Variants in GLI3 observed in about 807,000 individuals in gnomAD.
GLI3 encodes GLI family zinc finger 3, also known as transcription activator GLI3.
A neutral mutation model predicts 100.8 loss-of-function variants in GLI3; 20 were observed. The observed-to-expected ratio is 0.20, with a 90% CI of 0.14 to 0.29. GLI3 has a LOEUF of 0.29. GLI3 is among the 10% of genes least tolerant of loss of function. The probability of loss-of-function intolerance (pLI) is 1.00; values close to 1 mark genes in which losing one functional copy is unlikely to be tolerated. For missense variants in GLI3, 2,040 were observed against 2,128.5 expected (o/e 0.96, Z 0.82); for synonymous variants, 938 against 860.5 (o/e 1.09, Z -1.58).
At chr7:42,157,995 A>G (rs997963683) in intron 2 of GLI3, among the ~76,000 whole-genome samples, 1 of 152,174 alleles carries the variant, frequency 6.6e-6, no homozygotes, top group East Asian at 1.9e-4. Flanking sequence ...GTAAAATTAT[A>G]TCATTTTGAT....
upstream of GLI3, among the ~76,000 whole-genome samples, chr7:42,241,742 C>T (rs1016673582): frequency 4.6e-5 from 7 of 152,134 alleles, no homozygotes; most frequent in Non-Finnish European, 7.3e-5. Flanking sequence ...CTTGGACCTC[C>T]GCCAATCCCA....
intron 3 of GLI3, among the ~76,000 whole-genome samples, chr7:42,147,610 G>A (rs954981498): frequency 2.6e-5 from 4 of 152,166 alleles, no homozygotes; most frequent in Non-Finnish European, 5.9e-5. Context: ...CCATACATGA[G>A]TTCAGAGTCC....
At chr7:42,139,218 C>T (rs1176791029) in intron 3 of GLI3, among the ~76,000 whole-genome samples, 2 of 151,966 alleles carry the variant, frequency 1.3e-5, no homozygotes, top group African/African-American at 4.8e-5. Context: ...TTAAAATGTG[C>T]CTTGATACAG....
At chr7:42,086,423 C>G (rs1338964634) in intron 3 of GLI3, among the ~76,000 whole-genome samples, 2 of 152,106 alleles carry the variant, frequency 1.3e-5, no homozygotes, top group African/African-American at 4.8e-5. Flanking sequence ...ACTCCCCACA[C>G]CAGCATCCCT....
Position 41,965,545 on chromosome 7 carries a change from C to G in GLI3, c.3528G>C (p.Lys1176Asn), listed in dbSNP as rs768573875. The change falls in exon 15 of 15, where the codon AAG becomes AAC. Residue 1176 changes from lysine to asparagine, a missense_variant. By Grantham distance (94) the Lys-to-Asn change is moderately conservative (BLOSUM62 0). This residue lies in a region of GLI3 where 1,041 missense variants were observed against 924.0 expected (regional missense o/e 1.13). Transcript: ENST00000395925. ...CAGCGGGCCGCGGCCCACACTTGAG[C>G]TTGGAGGAGGACAGGTCGGCGCTTC... ...SSGSADLSSS[K>N]LKCGPRPAVP... The G allele has an allele frequency of 6.2e-7, 1 of 1,605,568 alleles. No individual in the cohort carries two copies. Among genetic ancestry groups the G allele is most frequent in the Non-Finnish European group, 8.5e-7 (1 of 1,173,380 alleles).
At chr7:41,998,935 CCTTTCA>C in intron 10 of GLI3, among the ~76,000 whole-genome samples, 1 of 152,338 alleles carries the variant, frequency 6.6e-6, no homozygotes. Context: ...CCCCACACAG[CCTTTCA>C]CCCTCTATGG....
In GLI3 at chr7:41,964,918, T is replaced by C. The variant is rs1248583934; in HGVS notation, c.4155A>G (p.Pro1385=). 2 of 1,613,758 alleles carry C rather than the reference T, an allele frequency of 1.2e-6. No individual in the cohort carries two copies. The highest frequency in any genetic ancestry group is 2.2e-5 in the South Asian group (2 of 91,084). Residue 1385 remains proline, a synonymous_variant, in exon 15 of 15, where the codon CCA becomes CCG. Transcript: ENST00000395925. ...GCCTGCTGCCCCCAAAGCTGGCACA[T>C]GGCTGGTAGCCCCTGACAACTGCCA... ...SSLAVVRGYQ[P]CASFGGSRRQ...
At chr7:42,143,247 G>T (rs2128783647) in intron 3 of GLI3, among the ~76,000 whole-genome samples, 1 of 152,210 alleles carries the variant, frequency 6.6e-6, no homozygotes, top group African/African-American at 2.4e-5. Flanking sequence ...TTTTCAAAGG[G>T]CGGAAAAAAA....
chr7:42,135,674 T>C (rs1037077376), intron 3 of GLI3, among the ~76,000 whole-genome samples: 6 of 152,222 alleles, frequency 3.9e-5, no homozygotes, highest in Admixed American at 1.3e-4. Flanking sequence ...TGTCTGTCTT[T>C]AGCCTGCACG....
chr7:42,132,245 C>CGCCTGCCACCACACCT (rs201880044), intron 3 of GLI3, among the ~76,000 whole-genome samples: 9 of 145,488 alleles, frequency 6.2e-5, no homozygotes, highest in Non-Finnish European at 1.2e-4. Context: ...GGACTACAGG[C>CGCCTGCCACCACACCT]GCCCGCCACT....
chr7:42,167,617 A>G (rs1447468841), intron 2 of GLI3, among the ~76,000 whole-genome samples: 1 of 152,248 alleles, frequency 6.6e-6, no homozygotes, highest in African/African-American at 2.4e-5. Context: ...AAAGAGAGAG[A>G]GAAATAAACG....
intron 10 of GLI3, among the ~76,000 whole-genome samples, chr7:42,014,436 C>T (rs2128726875): frequency 6.6e-6 from 1 of 152,258 alleles, no homozygotes; most frequent in South Asian, 2.1e-4. Flanking sequence ...AAAGAGATGC[C>T]AAAAACCTCA....
In GLI3 at chr7:42,025,325, T is replaced by C. The variant is rs1288284840; in HGVS notation, c.1295A>G (p.Asn432Ser). Residue 432 changes from asparagine to serine, a missense_variant, in exon 9 of 15, where the codon AAC becomes AGC. Around this residue, in one of 5 missense-constraint regions of GLI3, gnomAD observed 603 missense variants for 690.9 expected, o/e 0.87. Transcript: ENST00000395925. ...AVSSTGDPMH[N>S]KRSKIKPDED... is the part of the protein sequence containing the mutation. ...ATCGGGTTTGATCTTGGACCTCTTG[T>C]TGTGCATCGGGTCACCAGTGCTGCT... 4 of 1,614,168 alleles carry C rather than the reference T, an allele frequency of 2.5e-6. No individual in the cohort carries two copies. Among genetic ancestry groups the C allele is most frequent in the East Asian group, 2.2e-5 (1 of 44,866 alleles).
chr7:42,042,456 C>G (rs987439237), intron 6 of GLI3, among the ~76,000 whole-genome samples: 2 of 152,206 alleles, frequency 1.3e-5, no homozygotes, highest in African/African-American at 2.4e-5. Context: ...CATGTCACTT[C>G]CAAGTGACAA....
intron 2 of GLI3, among the ~76,000 whole-genome samples, chr7:42,213,097 G>A (rs1455771773): frequency 6.6e-6 from 1 of 152,226 alleles, no homozygotes; most frequent in African/African-American, 2.4e-5. Flanking sequence ...CATGTGGGGA[G>A]GGAAAGAATC....
intron 7 of GLI3, among the ~76,000 whole-genome samples, chr7:42,035,858 A>C (rs1176880867): frequency 6.6e-6 from 1 of 152,212 alleles, no homozygotes; most frequent in African/African-American, 2.4e-5. Context: ...ATAAATATAA[A>C]TTATCTAGTC....
At chr7:42,214,914 T>C (rs1274231091) in intron 2 of GLI3, among the ~76,000 whole-genome samples, 7 of 150,974 alleles carry the variant, frequency 4.6e-5, no homozygotes, top group Non-Finnish European at 8.8e-5. Context: ...AGGTTGTAGA[T>C]TTCTGAACAG....
upstream of GLI3, among the ~76,000 whole-genome samples, chr7:42,239,935 G>A (rs1052179928): frequency 2.0e-5 from 3 of 152,156 alleles, no homozygotes; most frequent in African/African-American, 7.2e-5. Flanking sequence ...ACACCAGAAC[G>A]CTTTCCAAAT....
chr7:42,075,884 C>T (rs753368590), intron 4 of GLI3, among the ~76,000 whole-genome samples: 5 of 152,232 alleles, frequency 3.3e-5, no homozygotes, highest in African/African-American at 4.8e-5. Flanking sequence ...AATTACACAG[C>T]TGTAACTAAT....
Sources: gnomAD v4.1 joint callset for allele counts (sites outside exome capture counted in the v4.1 genomes callset) on GRCh38, gnomAD v4.1.1 for gene constraint, gnomAD v4.1.1 regional missense constraint, MANE v1.5 for transcripts, NCBI Gene and HGNC (gene_info 2026-07-23, HGNC 2026-07-21) for gene names.